OSBPL9: variants seen among roughly 807,000 people sequenced by gnomAD.
OSBPL9 encodes the protein oxysterol-binding protein-related protein 9.
OSBPL9 carries 40 observed loss-of-function variants against 106.6 expected under a neutral mutation model. The ratio of observed to expected loss-of-function variants is 0.38; its 90% CI spans 0.29 to 0.49. OSBPL9 has a LOEUF of 0.49. Ranked by LOEUF, OSBPL9 falls within the 20% of genes least tolerant of loss-of-function variation. The probability of loss-of-function intolerance (pLI) is 0.97; values close to 1 mark genes in which losing one functional copy is unlikely to be tolerated. For missense variants in OSBPL9, 609 were observed against 887.2 expected (o/e 0.69, Z 3.98); for synonymous variants, 269 against 295.4 (o/e 0.91, Z 0.92).
the OSBPL9 span, among the ~76,000 whole-genome samples, chr1:51,520,656 T>C: frequency 3.3e-5 from 5 of 152,190 alleles, no homozygotes; most frequent in African/African-American, 4.8e-5. Flanking sequence ...CCTACACCCA[T>C]TACCATTATC....
At chr1:51,722,078 C>T (rs894840946) in intron 4 of OSBPL9, among the ~76,000 whole-genome samples, 3 of 152,162 alleles carry the variant, frequency 2.0e-5, no homozygotes, top group Non-Finnish European at 4.4e-5. Context: ...AATCCCAGCA[C>T]TTTGAGAGGC....
the OSBPL9 span, among the ~76,000 whole-genome samples, chr1:51,546,446 C>T: frequency 6.6e-6 from 1 of 151,846 alleles, no homozygotes; most frequent in East Asian, 1.9e-4. Context: ...GCCTGTAATC[C>T]CAGCACTTTG....
At chr1:51,586,311 T>G (rs1245048236) in intron 1 of OSBPL9, among the ~76,000 whole-genome samples, 1 of 152,166 alleles carries the variant, frequency 6.6e-6, no homozygotes, top group Non-Finnish European at 1.5e-5. Context: ...ATTCTTTTTT[T>G]ATGCACAAAT....
At chr1:51,618,600 T>C (rs752641524) in intron 1 of OSBPL9, among the ~76,000 whole-genome samples, 3 of 152,188 alleles carry the variant, frequency 2.0e-5, no homozygotes, top group Non-Finnish European at 2.9e-5. Flanking sequence ...TAAAAAATAT[T>C]ATTGAGCTGC....
intron 1 of OSBPL9, among the ~76,000 whole-genome samples, chr1:51,640,580 A>G (rs969617033): frequency 4.6e-5 from 7 of 152,184 alleles, no homozygotes; most frequent in Non-Finnish European, 1.0e-4. Context: ...GAACCGGGGA[A>G]AAGGTTTCCC....
At chr1:51,730,789 T>C (rs1156549024) in intron 4 of OSBPL9, among the ~76,000 whole-genome samples, 1 of 152,210 alleles carries the variant, frequency 6.6e-6, no homozygotes, top group African/African-American at 2.4e-5. Flanking sequence ...GATTAAACTG[T>C]TTACTTTTAG....
Position 51,652,026 on chromosome 1 carries a change from A to T in OSBPL9, c.147A>T (p.Gly49=). 1.2e-6 allele frequency: 2 copies of T among 1,608,676 alleles called. No individual in the cohort carries two copies. Among genetic ancestry groups the T allele is most frequent in the Non-Finnish European group, 1.7e-6 (2 of 1,177,320 alleles). Residue 49 remains glycine (G), a synonymous_variant, in exon 2 of 24, where the codon GGA becomes GGT. Transcript: ENST00000428468. ...KDKMMRGSRR[G]CVRLRGAVIG... is the part of the protein sequence containing the mutation. Reference sequence around the variant, plus strand: ...AAATGATGAGAGGCTCTCGCAGAGGATGTGTTAGACTCAGAGTGAGTATTT... The same window carrying T: ...AAATGATGAGAGGCTCTCGCAGAGGTTGTGTTAGACTCAGAGTGAGTATTT...
chr1:51,714,675 A>G (rs1018841541), intron 4 of OSBPL9, among the ~76,000 whole-genome samples: 27 of 152,142 alleles, frequency 1.8e-4, no homozygotes, highest in African/African-American at 6.5e-4. Context: ...GGTGGTGGTA[A>G]GGTGGTTGTA....
chr1:51,519,023 C>T, the OSBPL9 span, among the ~76,000 whole-genome samples: 1 of 151,288 alleles, frequency 6.6e-6, no homozygotes, highest in African/African-American at 2.4e-5. Context: ...GGGGCTCCGG[C>T]TCCGGAGGGC....
chr1:51,626,462 C>T (rs1371361124), intron 1 of OSBPL9, among the ~76,000 whole-genome samples: 3 of 151,890 alleles, frequency 2.0e-5, no homozygotes, highest in Non-Finnish European at 4.4e-5. Context: ...GTATAACAAA[C>T]AGTTGTAATC....
the OSBPL9 span, among the ~76,000 whole-genome samples, chr1:51,522,448 A>G: frequency 4.6e-5 from 7 of 152,202 alleles, no homozygotes; most frequent in Admixed American, 3.9e-4. Context: ...AGGGAAGAGA[A>G]TAATGGGCCA....
chr1:51,568,873 TG>T, the OSBPL9 span, among the ~76,000 whole-genome samples: 2 of 152,186 alleles, frequency 1.3e-5, no homozygotes, highest in East Asian at 3.9e-4. Flanking sequence ...CCACCATGCC[TG>T]GCTAATGTTT....
chr1:51,600,888 C>T (rs771933652), intron 2 of OSBPL9, among the ~76,000 whole-genome samples: 1 of 152,242 alleles, frequency 6.6e-6, no homozygotes, highest in African/African-American at 2.4e-5. Flanking sequence ...ATTTAGTTCA[C>T]GAGACCTCCC....
intron 3 of OSBPL9, among the ~76,000 whole-genome samples, chr1:51,701,121 G>C (rs1334832398): frequency 6.6e-6 from 1 of 152,082 alleles, no homozygotes; most frequent in African/African-American, 2.4e-5. Context: ...TGTATTTTTA[G>C]TAGAGACGAG....
intron 2 of OSBPL9, among the ~76,000 whole-genome samples, chr1:51,602,419 ATTT>A (rs1357173060): frequency 9.6e-6 from 1 of 104,658 alleles, no homozygotes; most frequent in Non-Finnish European, 1.9e-5. Context: ...TTTTTTTTTA[ATTT>A]TTTTTTTTTT....
At chr1:51,523,577 C>CTGGGGTGTGT in the OSBPL9 span, among the ~76,000 whole-genome samples, 1 of 151,966 alleles carries the variant, frequency 6.6e-6, no homozygotes, top group Non-Finnish European at 1.5e-5. Context: ...GCGCTTTTTC[C>CTGGGGTGTGT]TGGGGTGTGT....
At chr1:51,728,184 A>G (rs756811365) in intron 4 of OSBPL9, among the ~76,000 whole-genome samples, 8 of 152,232 alleles carry the variant, frequency 5.3e-5, no homozygotes, top group Non-Finnish European at 1.2e-4. Flanking sequence ...ATTGTTAAAT[A>G]TTGAATTGTA....
intron 15 of OSBPL9, among the ~76,000 whole-genome samples, chr1:51,780,935 C>G (rs1341258855): frequency 3.3e-5 from 5 of 152,004 alleles, no homozygotes; most frequent in African/African-American, 9.7e-5. Flanking sequence ...AACACACCAC[C>G]TGTTCCCCAA....
At chr1:51,780,528 C>T (rs1482882997) in intron 15 of OSBPL9, among the ~76,000 whole-genome samples, 1 of 152,182 alleles carries the variant, frequency 6.6e-6, no homozygotes, top group East Asian at 1.9e-4. Context: ...TGGAATGCTA[C>T]TCAGCCATAA....
Sources: gnomAD v4.1 joint callset for allele counts (sites outside exome capture counted in the v4.1 genomes callset) on GRCh38, gnomAD v4.1.1 for gene constraint, MANE v1.5 for transcripts, NCBI Gene and HGNC (gene_info 2026-07-23, HGNC 2026-07-21) for gene names.